SLC38A12: variants seen among roughly 807,000 people sequenced by gnomAD.
SLC38A12 encodes solute carrier family 38 member 12, also known as putative sodium-coupled neutral amino acid transporter 12.
chr17:74,785,778 T>A, the SLC38A12 span: 1 of 818,448 alleles, frequency 1.2e-6, no homozygotes, highest in South Asian at 1.8e-5. Flanking sequence ...CACAGAGGCC[T>A]CCTGGTGGCT....
chr17:74,815,938 C>T, the SLC38A12 span, among the ~76,000 whole-genome samples: 3 of 152,164 alleles, frequency 2.0e-5, no homozygotes, highest in African/African-American at 2.4e-5. Context: ...AGCAAAGCCA[C>T]GTCCTGTCCA....
At chr17:74,791,032 T>C in the SLC38A12 span, 4 of 1,613,596 alleles carry the variant, frequency 2.5e-6, no homozygotes, top group Admixed American at 3.3e-5. Context: ...TGTTCTTCAA[T>C]AAAGGTAGAA....
chr17:74,791,000 G>A, the SLC38A12 span: 1 of 1,613,478 alleles, frequency 6.2e-7, no homozygotes, highest in Non-Finnish European at 8.5e-7. Flanking sequence ...AGACCGGGTG[G>A]AAATGGGACA....
the SLC38A12 span, chr17:74,785,456 TTGAA>T: frequency 6.2e-7 from 1 of 1,603,584 alleles, no homozygotes; most frequent in Non-Finnish European, 8.5e-7. Flanking sequence ...AGTTCCGGGC[TTGAA>T]TGTTGCCTCT....
chr17:74,817,478 G>A, the SLC38A12 span, among the ~76,000 whole-genome samples: 1 of 152,150 alleles, frequency 6.6e-6, no homozygotes, highest in African/African-American at 2.4e-5. Flanking sequence ...ACACTAAGCG[G>A]ATATGAACCC....
At chr17:74,834,278 G>A in the SLC38A12 span, among the ~76,000 whole-genome samples, 4 of 152,080 alleles carry the variant, frequency 2.6e-5, no homozygotes, top group African/African-American at 7.2e-5. Flanking sequence ...CCGCTTGACT[G>A]ACCAGGGTTG....
chr17:74,838,288 A>G, the SLC38A12 span: 1 of 985,786 alleles, frequency 1.0e-6, no homozygotes, highest in Non-Finnish European at 1.2e-6. Context: ...TATCATTGCG[A>G]CTTCCTCCCA....
the SLC38A12 span, among the ~76,000 whole-genome samples, chr17:74,808,893 C>T: frequency 2.6e-5 from 4 of 152,182 alleles, no homozygotes; most frequent in African/African-American, 7.2e-5. Flanking sequence ...AGCCAGGCTG[C>T]GCATCCGGTG....
At chr17:74,792,593 GC>G in the SLC38A12 span, among the ~76,000 whole-genome samples, 14 of 152,186 alleles carry the variant, frequency 9.2e-5, no homozygotes, top group Non-Finnish European at 1.9e-4. Context: ...CTTTGTCAAA[GC>G]CCCGTTTGTC....
At chr17:74,779,305 G>A in the SLC38A12 span, among the ~76,000 whole-genome samples, 10 of 152,172 alleles carry the variant, frequency 6.6e-5, no homozygotes, top group African/African-American at 1.9e-4. Context: ...CGCTCTGCCC[G>A]TTTTTGTTCT....
the SLC38A12 span, among the ~76,000 whole-genome samples, chr17:74,784,769 C>T: frequency 6.6e-6 from 1 of 151,940 alleles, no homozygotes; most frequent in Non-Finnish European, 1.5e-5. Flanking sequence ...AGAAATCACC[C>T]TGAAGTTGGG....
the SLC38A12 span, chr17:74,819,934 T>C: frequency 1.7e-5 from 20 of 1,184,276 alleles, no homozygotes; most frequent in Admixed American, 1.1e-4. Context: ...CCCCCAGCCG[T>C]AGCTGGAGTG....
chr17:74,803,512 G>A, the SLC38A12 span, among the ~76,000 whole-genome samples: 1 of 152,202 alleles, frequency 6.6e-6, no homozygotes, highest in Admixed American at 6.5e-5. Context: ...ATCCATCCCT[G>A]CTGGGGACCT....
chr17:74,805,827 C>T, the SLC38A12 span, among the ~76,000 whole-genome samples: 1 of 152,140 alleles, frequency 6.6e-6, no homozygotes, highest in African/African-American at 2.4e-5. This position sits in a 1 kb window ranked among gnomAD's most constrained non-coding sequence, Gnocchi z 5.0. Flanking sequence ...GGGAAGATGC[C>T]GAGAGCATCT....
At chr17:74,782,336 A>G in the SLC38A12 span, among the ~76,000 whole-genome samples, 1 of 152,068 alleles carries the variant, frequency 6.6e-6, no homozygotes, top group Non-Finnish European at 1.5e-5. Flanking sequence ...TCAAAGTGCT[A>G]GGATTACAGG....
At chr17:74,784,032 A>G in the SLC38A12 span, among the ~76,000 whole-genome samples, 1 of 127,988 alleles carries the variant, frequency 7.8e-6, no homozygotes, top group Admixed American at 7.9e-5. Flanking sequence ...CGTCCTCTTC[A>G]TGCTTTAAAA....
At chr17:74,807,635 T>C in the SLC38A12 span, among the ~76,000 whole-genome samples, 263 of 152,312 alleles carry the variant, frequency 1.7e-3, no homozygotes, top group African/African-American at 6.0e-3. Flanking sequence ...ACTTCTGTCT[T>C]TGGGGGGCAG....
chr17:74,819,694 GCAGA>G, the SLC38A12 span: 2 of 1,542,102 alleles, frequency 1.3e-6, no homozygotes, highest in Non-Finnish European at 1.8e-6. Flanking sequence ...TCTTCCGTGT[GCAGA>G]CAGTCTGCTG....
chr17:74,810,152 G>A, the SLC38A12 span, among the ~76,000 whole-genome samples: 34 of 152,308 alleles, frequency 2.2e-4, 1 homozygote, highest in African/African-American at 5.3e-4. Flanking sequence ...CTCCACTCAC[G>A]CATTCAGAAC....
Sources: allele counts gnomAD v4.1 joint callset (sites outside exome capture counted in the v4.1 genomes callset), GRCh38; gene constraint gnomAD v4.1.1; non-coding constraint Gnocchi (gnomAD v3.1); transcripts MANE v1.5; gene names NCBI Gene and HGNC (gene_info 2026-07-23, HGNC 2026-07-21).